LTBP1: variants seen among roughly 807,000 people sequenced by gnomAD.
LTBP1 encodes the protein latent transforming growth factor beta binding protein 1.
A neutral mutation model predicts 207.6 loss-of-function variants in LTBP1; 129 were observed. The observed-to-expected ratio is 0.62, with a 90% CI of 0.54 to 0.72. LTBP1 has a LOEUF of 0.72. Ranked by LOEUF, LTBP1 falls within the 30% of genes least tolerant of loss-of-function variation. The probability of loss-of-function intolerance (pLI) is 0.00; values close to 1 mark genes in which losing one functional copy is unlikely to be tolerated. For missense variants in LTBP1, 2,281 were observed against 2,217.2 expected (o/e 1.03, Z -0.58); for synonymous variants, 963 against 833.7 (o/e 1.16, Z -2.67).
At chr2:32,947,923 TCG>T in intron 1 of LTBP1, 105 bp downstream of exon 1, 1 of 1,026,474 alleles carries the variant, frequency 9.7e-7, no homozygotes, top group Non-Finnish European at 1.3e-6. Flanking sequence ...GCCAGGGCGG[TCG>T]CGCGCGGTGG....
chr2:33,016,909 T>A (rs1688460296), intron 2 of LTBP1, among the ~76,000 whole-genome samples: 2 of 151,992 alleles, frequency 1.3e-5, no homozygotes, highest in African/African-American at 4.8e-5. Flanking sequence ...CCCAGCTACT[T>A]GGGAGGCTGA....
chr2:32,957,011 G>C (rs1678183234), intron 2 of LTBP1, among the ~76,000 whole-genome samples: 1 of 152,190 alleles, frequency 6.6e-6, no homozygotes, highest in Non-Finnish European at 1.5e-5. Flanking sequence ...AAAACATTCA[G>C]TTAACCATGC....
intron 5 of LTBP1, among the ~76,000 whole-genome samples, chr2:33,166,374 C>G (rs1396905618): frequency 6.6e-6 from 1 of 152,122 alleles, no homozygotes; most frequent in Non-Finnish European, 1.5e-5. Flanking sequence ...AGTAGTTTCT[C>G]TGATGATACT....
intron 3 of LTBP1, among the ~76,000 whole-genome samples, chr2:33,054,114 C>A (rs192129921): frequency 2.0e-5 from 3 of 152,236 alleles, no homozygotes; most frequent in African/African-American, 7.2e-5. Context: ...CATTCTGTTT[C>A]CTCTGGTATT....
intron 20 of LTBP1, among the ~76,000 whole-genome samples, chr2:33,299,034 G>T (rs1450523895): frequency 6.6e-6 from 1 of 152,106 alleles, no homozygotes; most frequent in Non-Finnish European, 1.5e-5. Flanking sequence ...CTAGCACTTT[G>T]GGAGAACGAG....
intron 3 of LTBP1, among the ~76,000 whole-genome samples, chr2:33,052,397 A>G (rs144304674): frequency 1.3e-5 from 2 of 152,370 alleles, no homozygotes; most frequent in East Asian, 1.9e-4. Context: ...ATTTAAACAT[A>G]TTTAAACATC....
chr2:33,173,066 T>C (rs1374436530), intron 5 of LTBP1, among the ~76,000 whole-genome samples: 4 of 151,996 alleles, frequency 2.6e-5, no homozygotes, highest in East Asian at 1.9e-4. Flanking sequence ...AGATCCAAAA[T>C]TGACACCCTA....
At chr2:33,214,123 A>C (rs2090514552) in intron 7 of LTBP1, among the ~76,000 whole-genome samples, 1 of 152,242 alleles carries the variant, frequency 6.6e-6, no homozygotes, top group Non-Finnish European at 1.5e-5. Flanking sequence ...GTCCAGTACA[A>C]GAATGATCTG....
At chr2:33,286,716 G>A (rs1011531580) in intron 19 of LTBP1, among the ~76,000 whole-genome samples, 2 of 151,362 alleles carry the variant, frequency 1.3e-5, no homozygotes, top group African/African-American at 4.9e-5. Flanking sequence ...TTAAGAAAAC[G>A]TGGCACGTAT....
chr2:33,078,862 C>CTTTTCTTTTTTTTTTTTTTTT (rs1367646259), intron 3 of LTBP1, among the ~76,000 whole-genome samples: 2 of 106,888 alleles, frequency 1.9e-5, no homozygotes, highest in Non-Finnish European at 3.6e-5. Flanking sequence ...CTTTTCTTTT[C>CTTTTCTTTTTTTTTTTTTTTT]TTTTTTTTTT....
chr2:33,175,264 A>G (rs1420854187), intron 5 of LTBP1, among the ~76,000 whole-genome samples: 1 of 151,946 alleles, frequency 6.6e-6, no homozygotes, highest in African/African-American at 2.4e-5. Context: ...CTCATCTGAC[A>G]AAGGGCTAAT....
intron 3 of LTBP1, among the ~76,000 whole-genome samples, chr2:33,073,275 G>C (rs1253621469): frequency 2.8e-5 from 1 of 35,288 alleles, no homozygotes; most frequent in African/African-American, 3.9e-5. Flanking sequence ...TGATGTCACA[G>C]TGTTTTTTTT....
intron 7 of LTBP1, among the ~76,000 whole-genome samples, chr2:33,214,096 G>A (rs540706914): frequency 6.6e-6 from 1 of 152,324 alleles, no homozygotes; most frequent in East Asian, 1.9e-4. Flanking sequence ...CGCTTGATTA[G>A]GAGATGAACC....
At chr2:32,959,256 C>T (rs1283600321) in intron 2 of LTBP1, among the ~76,000 whole-genome samples, 2 of 151,966 alleles carry the variant, frequency 1.3e-5, no homozygotes, top group East Asian at 3.9e-4. Flanking sequence ...ATGTGGCCAA[C>T]TTTACTGAAC....
intron 15 of LTBP1, 75 bp downstream of exon 15, chr2:33,263,467 C>T: frequency 9.3e-7 from 1 of 1,070,264 alleles, no homozygotes; most frequent in East Asian, 2.4e-5. Flanking sequence ...ATGTAGTATC[C>T]ATTATATAAG....
At chr2:33,383,272 G>A (rs184348216) in intron 31 of LTBP1, among the ~76,000 whole-genome samples, 7 of 152,344 alleles carry the variant, frequency 4.6e-5, no homozygotes, top group African/African-American at 1.2e-4. Flanking sequence ...AGAATCACTC[G>A]AATCTGGGAG....
chr2:33,330,409 GA>G (rs1489544574), intron 24 of LTBP1, among the ~76,000 whole-genome samples: 1 of 151,646 alleles, frequency 6.6e-6, no homozygotes, highest in Admixed American at 6.6e-5. Flanking sequence ...ATGTTGACTA[GA>G]AGTGGTGACA....
intron 2 of LTBP1, among the ~76,000 whole-genome samples, chr2:32,991,126 G>A (rs1047726745): frequency 2.6e-5 from 4 of 152,096 alleles, no homozygotes; most frequent in African/African-American, 9.7e-5. Flanking sequence ...TACTCATTTT[G>A]CTTTTTATCT....
chr2:32,998,246 G>A lies in LTBP1; in HGVS notation c.566-22663G>A, dbSNP rs931340415. On this transcript the variant is annotated intron_variant, in intron 2 of 33. Transcript: ENST00000404816. The stretch of plus-strand genomic sequence containing the variant: ...AAAACCATGGTTGTTGGCTGAGCAC[G>A]GTGGCTCACGCCTGTAATCCCAGCA... Among the ~76,000 whole-genome samples, 10 of 152,146 alleles carry A rather than the reference G, an allele frequency of 6.6e-5. No individual in the cohort carries two copies. The East Asian group carries it at 1.2e-3, about 18-fold the overall frequency.
Sources: allele counts gnomAD v4.1 joint callset (sites outside exome capture counted in the v4.1 genomes callset), GRCh38; gene constraint gnomAD v4.1.1; transcripts MANE v1.5; gene names NCBI Gene and HGNC (gene_info 2026-07-23, HGNC 2026-07-21).